Variants in ZFPM2 observed in about 807,000 individuals in gnomAD.
ZFPM2 encodes zinc finger protein, FOG family member 2.
In ZFPM2, 20 loss-of-function variants were observed where a neutral mutation model predicts 98.6. The observed-to-expected ratio is 0.20, with a 90% CI of 0.14 to 0.29. The LOEUF is 0.29. Ranked by LOEUF, ZFPM2 falls within the 10% of genes least tolerant of loss-of-function variation. The probability of loss-of-function intolerance (pLI) is 1.00; values close to 1 mark genes in which losing one functional copy is unlikely to be tolerated. For missense variants in ZFPM2, 1,310 were observed against 1,388.6 expected, an observed-to-expected ratio of 0.94 and a Z score of 0.90; for synonymous variants, 518 against 502.7, an observed-to-expected ratio of 1.03 and a Z score of -0.41.
intron 3 of ZFPM2, among the ~76,000 whole-genome samples, chr8:105,516,592 T>C (rs770039295): frequency 7.9e-5 from 12 of 152,216 alleles, no homozygotes; most frequent in Non-Finnish European, 1.3e-4. Flanking sequence ...ACATTTCTGA[T>C]GTCTCAGTCT....
Position 105,543,794 on chromosome 8 carries a change from G to A in ZFPM2, c.302-17569G>A, listed in dbSNP as rs183119427. ...TTAAATCCTTCATTTTATTCCAGGC[G>A]TAATACTACATCTTAGGAACAACTT... On this transcript the variant is annotated intron_variant, in intron 3 of 7. Coordinates refer to ENST00000407775, the MANE Select transcript of ZFPM2 (RefSeq NM_012082.4). 4.8e-4 allele frequency among the ~76,000 whole-genome samples: 73 copies of A among 151,852 alleles called. No homozygotes were observed. The East Asian group carries it at 0.01, about 21-fold the overall frequency.
chr8:105,507,210 C>T (rs573396865), intron 3 of ZFPM2, among the ~76,000 whole-genome samples: 22 of 152,218 alleles, frequency 1.4e-4, no homozygotes, highest in Admixed American at 3.9e-4. Flanking sequence ...TACCTGCATT[C>T]GTATCTATGT....
rs36124912 is a variant in ZFPM2, at chr8:105,377,607, C to CAAAA, written c.41-41514_41-41511dup. On this transcript the variant is annotated intron_variant, in intron 1 of 7. Coordinates refer to ENST00000407775, the MANE Select transcript of ZFPM2 (RefSeq NM_012082.4). ...CAAAACCCCGTTTTTCTTAAAAATC[C>CAAAA]AAAAAAAAAAAAAAAAAAAAAAAAA... Among the ~76,000 whole-genome samples, 7 of 63,880 alleles carry CAAAA rather than the reference C, an allele frequency of 1.1e-4. 1 individual carries two copies. The highest frequency in any genetic ancestry group is 2.5e-4 in the Admixed American group (1 of 4,076). 41.9% of individuals were successfully genotyped at this position (63,880 alleles called of 152,430 possible). A position where few individuals can be genotyped will look rare whatever the true frequency, so the allele number is the denominator to read the frequency against.
At chr8:105,790,716 C>T (rs1586270182) in intron 6 of ZFPM2, among the ~76,000 whole-genome samples, 1 of 152,286 alleles carries the variant, frequency 6.6e-6, no homozygotes, top group East Asian at 1.9e-4. Flanking sequence ...TTGATTCTTC[C>T]TACCCATGAG....
intron 4 of ZFPM2, among the ~76,000 whole-genome samples, chr8:105,611,862 C>G (rs1226566582): frequency 6.6e-6 from 1 of 151,756 alleles, no homozygotes; most frequent in African/African-American, 2.4e-5. Context: ...CCACGCCTAG[C>G]TAATTTTTTG....
In ZFPM2 at chr8:105,651,686, CA is replaced by C. The variant is rs570220735; in HGVS notation, c.532+17330del. ...GGTATTCTACCAAGCTGGATGTGAA[CA>C]CCTCAAAGGCAACAATTCAATTTTT... On this transcript the variant is annotated intron_variant, in intron 5 of 7. Coordinates refer to ENST00000407775, the MANE Select transcript of ZFPM2 (RefSeq NM_012082.4). Among the ~76,000 whole-genome samples the C allele has an allele frequency of 3.8e-3, 571 of 152,266 alleles. 6 individuals carry two copies. The highest frequency in any genetic ancestry group is 0.013 in the African/African-American group (547 of 41,560).
intron 3 of ZFPM2, among the ~76,000 whole-genome samples, chr8:105,452,562 A>G (rs1812505919): frequency 6.6e-6 from 1 of 151,976 alleles, no homozygotes; most frequent in Non-Finnish European, 1.5e-5. Flanking sequence ...AACCTGGGCA[A>G]TATTGTGTAA....
At chr8:105,419,644 G>A (rs1441368779) in intron 2 of ZFPM2, among the ~76,000 whole-genome samples, 2 of 152,028 alleles carry the variant, frequency 1.3e-5, no homozygotes, top group Non-Finnish European at 2.9e-5. Flanking sequence ...TGTTTGCAAG[G>A]CACTAAATTA....
Position 105,803,474 on chromosome 8 carries a change from T to C in ZFPM2, c.3392T>C (p.Leu1131Pro). The change falls in exon 8 of 8, where the codon CTT becomes CCT. Residue 1131 changes from leucine to proline, a missense_variant. Coordinates refer to ENST00000407775, the MANE Select transcript of ZFPM2 (RefSeq NM_012082.4). The stretch of plus-strand genomic sequence containing the variant: ...CTATGTGATATCCAGTTCAACAACC[T>C]TTCAAACTTTATAACTCACAAGAAG... ...CRLCDIQFNN[L>P]SNFITHKKFY... 1.2e-6 allele frequency: 2 copies of C among 1,613,358 alleles called. No individual in the cohort carries two copies. Among genetic ancestry groups the C allele is most frequent in the Non-Finnish European group, 1.7e-6 (2 of 1,179,596 alleles).
intron 3 of ZFPM2, among the ~76,000 whole-genome samples, chr8:105,535,490 A>G (rs949173367): frequency 1.3e-5 from 2 of 152,188 alleles, no homozygotes; most frequent in African/African-American, 2.4e-5. Flanking sequence ...CATGTAGTCC[A>G]TCATATAAAT....
intron 4 of ZFPM2, among the ~76,000 whole-genome samples, chr8:105,626,951 A>G (rs1475981162): frequency 6.6e-6 from 1 of 152,120 alleles, no homozygotes; most frequent in Non-Finnish European, 1.5e-5. Flanking sequence ...AATGGATGTA[A>G]TGTAAAAATA....
At chr8:105,635,472 C>A (rs200405000) in intron 5 of ZFPM2, among the ~76,000 whole-genome samples, 4 of 149,210 alleles carry the variant, frequency 2.7e-5, no homozygotes, top group African/African-American at 4.9e-5. Context: ...AAAAAAAAAA[C>A]AATCTGCACA....
chr8:105,618,660 AT>A (rs1816468582), intron 4 of ZFPM2, among the ~76,000 whole-genome samples: 1 of 152,160 alleles, frequency 6.6e-6, no homozygotes, highest in African/African-American at 2.4e-5. Context: ...ATATTAACTC[AT>A]TTAATCACCA....
intron 5 of ZFPM2, among the ~76,000 whole-genome samples, chr8:105,754,944 A>ATGTGTG (rs1491588949): frequency 8.2e-6 from 1 of 122,324 alleles, no homozygotes; most frequent in Non-Finnish European, 1.6e-5. Context: ...GAGAAATTTA[A>ATGTGTG]TATGTGTGTG....
chr8:105,369,776 G>GAAA lies in ZFPM2; in HGVS notation c.41-49368_41-49367insAAA, dbSNP rs1810582178. 8.5e-5 allele frequency among the ~76,000 whole-genome samples: 13 copies of GAAA among 152,078 alleles called. No individual in the cohort carries two copies. The South Asian group carries it at 2.5e-3, about 29-fold the overall frequency. ...TTTTTTCTTTTTTTCTTTCTGGAAA[G>GAAA]GACCTATACTATGTAGTTTATGTAA... On this transcript the variant is annotated intron_variant, in intron 1 of 7. Coordinates refer to ENST00000407775, the MANE Select transcript of ZFPM2 (RefSeq NM_012082.4).
chr8:105,408,559 A>G (rs191068820), intron 1 of ZFPM2, among the ~76,000 whole-genome samples: 1 of 152,018 alleles, frequency 6.6e-6, no homozygotes, highest in East Asian at 1.9e-4. Context: ...TAAAGATGAA[A>G]GAGATCTCTC....
intron 5 of ZFPM2, among the ~76,000 whole-genome samples, chr8:105,711,600 G>T (rs1229122088): frequency 6.6e-6 from 1 of 151,812 alleles, no homozygotes; most frequent in Admixed American, 6.6e-5. Context: ...AATATTCAGA[G>T]TGCATACTAT....
rs1454351469 is a variant in ZFPM2 at position 105,380,637 on chromosome 8, T to C, written c.41-38507T>C. 7.9e-3 allele frequency among the ~76,000 whole-genome samples: 108 copies of C among 13,750 alleles called. 6 individuals are homozygous for C. The highest frequency in any genetic ancestry group is 0.033 in the Middle Eastern group (1 of 30). The allele number at this position is 13,750 out of a possible 152,430, so 9.0% of individuals were successfully genotyped here. On this transcript the variant is annotated intron_variant, in intron 1 of 7. Transcript: ENST00000407775. ...TATATTATATATAACATATATATTA[T>C]ATATATATTATATATATATATTATA... is the stretch of plus-strand genomic sequence containing the variant.
intron 1 of ZFPM2, among the ~76,000 whole-genome samples, chr8:105,410,988 A>C (rs1440402468): frequency 2.0e-5 from 3 of 151,888 alleles, no homozygotes; most frequent in African/African-American, 7.2e-5. Flanking sequence ...AGTACATTGA[A>C]TAACCAGGAA....
Sources: gnomAD v4.1 joint callset for allele counts (sites outside exome capture counted in the v4.1 genomes callset) on GRCh38, gnomAD v4.1.1 for gene constraint, MANE v1.5 for transcripts, NCBI Gene and HGNC (gene_info 2026-07-23, HGNC 2026-07-21) for gene names.